TSPAN7: variants seen among roughly 807,000 people sequenced by gnomAD.
TSPAN7 encodes the protein tetraspanin-7.
A neutral mutation model predicts 17.6 loss-of-function variants in TSPAN7; 1 was observed. That is an observed-to-expected ratio of 0.06 (90% confidence interval 0.02 to 0.27). The LOEUF is 0.27. Among genes scored for constraint, TSPAN7 ranks in the 10% least tolerant of loss-of-function variants. TSPAN7 has a pLI of 1.00. For synonymous variants in TSPAN7, 78 were observed against 79.0 expected (o/e 0.99, Z 0.07); for missense variants, 112 against 201.7 (o/e 0.56, Z 2.69).
chrX:38,565,888 C>T (rs1383841380), intron 1 of TSPAN7, among the ~76,000 whole-genome samples: 1 of 111,452 alleles, frequency 9.0e-6, no homozygotes. Context: ...CATTTTTGGC[C>T]ATAGCTGGAG....
intron 1 of TSPAN7, among the ~76,000 whole-genome samples, chrX:38,631,967 C>T (rs1487076947): frequency 8.9e-6 from 1 of 111,972 alleles, no homozygotes; most frequent in Non-Finnish European, 1.9e-5. Context: ...AGGTGTAAAA[C>T]TTCCAAAGGC....
At chrX:38,647,826 C>T (rs969880765) in intron 1 of TSPAN7, among the ~76,000 whole-genome samples, 1 of 111,945 alleles carries the variant, frequency 8.9e-6, no homozygotes, top group African/African-American at 3.3e-5. Flanking sequence ...GGTTGCTATA[C>T]GTTTGGATAA....
intron 1 of TSPAN7, among the ~76,000 whole-genome samples, chrX:38,645,215 C>T (rs985978863): frequency 8.9e-6 from 1 of 112,290 alleles, no homozygotes; most frequent in Admixed American, 9.4e-5. Flanking sequence ...ACAGGGGCAG[C>T]CTTGGAGCCC....
At chrX:38,635,349 T>C (rs974128957) in intron 1 of TSPAN7, among the ~76,000 whole-genome samples, 9 of 111,554 alleles carry the variant, frequency 8.1e-5, no homozygotes, top group African/African-American at 2.9e-4. Context: ...AAGGATTTTC[T>C]AGTTGAGGCC....
chrX:38,672,193 G>A (rs865999521), intron 3 of TSPAN7, among the ~76,000 whole-genome samples: 4 of 110,805 alleles, frequency 3.6e-5, no homozygotes, highest in Admixed American at 1.9e-4. Flanking sequence ...TAATAGTAAA[G>A]CCAGAAGTAG....
chrX:38,660,037 G>T (rs955253473), intron 1 of TSPAN7, among the ~76,000 whole-genome samples: 3 of 108,836 alleles, frequency 2.8e-5, no homozygotes, highest in African/African-American at 1.0e-4. Context: ...ATGTTGGCCA[G>T]GCTGGTCTCG....
intron 1 of TSPAN7, among the ~76,000 whole-genome samples, chrX:38,613,931 G>T (rs1602099437): frequency 9.2e-6 from 1 of 108,460 alleles, no homozygotes; most frequent in Non-Finnish European, 1.9e-5. Flanking sequence ...TTTCAGAGGA[G>T]CCCTGTGCCC....
Position 38,664,893 on chromosome X carries a change from C to T in TSPAN7, c.82-1228C>T, listed in dbSNP as rs763893893. Among the ~76,000 whole-genome samples, 4 of 111,797 alleles carry T rather than the reference C, an allele frequency of 3.6e-5. No individual in the cohort carries two copies. In the South Asian group the frequency reaches 1.5e-3, roughly 42 times the overall value. On this transcript the variant is annotated intron_variant, in intron 1 of 7. Coordinates refer to ENST00000378482, the MANE Select transcript of TSPAN7 (RefSeq NM_004615.4). ...CCATTCTTCGTCCTGCACACACACA[C>T]AAAAATCTGATAATGGAGCTTGATG... is the stretch of plus-strand genomic sequence containing the variant.
At chrX:38,634,683 G>A (rs2069569722) in intron 1 of TSPAN7, among the ~76,000 whole-genome samples, 1 of 111,613 alleles carries the variant, frequency 9.0e-6, no homozygotes, top group African/African-American at 3.3e-5. Flanking sequence ...TTTATTCCCA[G>A]CATCCAGATT....
chrX:38,668,682 C>T lies in TSPAN7; in HGVS notation c.270+2373C>T, dbSNP rs754065282. ...CCATTGTGTATAGACACATTGTGTC[C>T]AGTGTGTATGGACACTTAGGTTGGC... On this transcript the variant is annotated intron_variant, in intron 2 of 7. Coordinates refer to ENST00000378482, the MANE Select transcript of TSPAN7 (RefSeq NM_004615.4). Among the ~76,000 whole-genome samples the T allele has an allele frequency of 2.0e-3, 226 of 111,803 alleles. 3 individuals carry two copies. The highest frequency in any genetic ancestry group is 3.6e-3 in the Non-Finnish European group (191 of 53,126).
chrX:38,674,563 G>T (rs946033380), intron 4 of TSPAN7, among the ~76,000 whole-genome samples: 2 of 111,893 alleles, frequency 1.8e-5, no homozygotes, highest in Non-Finnish European at 3.8e-5. Flanking sequence ...GGCAAGGACA[G>T]CTCATTTGCT....
intron 1 of TSPAN7, among the ~76,000 whole-genome samples, chrX:38,664,786 C>T: frequency 8.9e-6 from 1 of 111,862 alleles, no homozygotes; most frequent in South Asian, 3.8e-4. Context: ...GGAAGTGTCA[C>T]CAAACTCTAG....
At chrX:38,590,685 G>T (rs1214172159) in intron 1 of TSPAN7, among the ~76,000 whole-genome samples, 1 of 111,270 alleles carries the variant, frequency 9.0e-6, no homozygotes, top group Non-Finnish European at 1.9e-5. Context: ...TTTCATCTAG[G>T]TTATTAAATT....
intron 1 of TSPAN7, among the ~76,000 whole-genome samples, chrX:38,613,265 T>A (rs2069432191): frequency 8.9e-6 from 1 of 112,324 alleles, no homozygotes; most frequent in Admixed American, 9.4e-5. Flanking sequence ...CATTTTCTTA[T>A]TTTATGGATG....
chrX:38,622,050 T>G (rs1002679563), intron 1 of TSPAN7, among the ~76,000 whole-genome samples: 2 of 112,769 alleles, frequency 1.8e-5, no homozygotes, highest in African/African-American at 6.4e-5. Flanking sequence ...ACTGATTTAA[T>G]GTAGTACTCT....
At chrX:38,644,422 G>T (rs1008555926) in intron 1 of TSPAN7, among the ~76,000 whole-genome samples, 2 of 111,838 alleles carry the variant, frequency 1.8e-5, no homozygotes, top group East Asian at 5.6e-4. Flanking sequence ...TGTCCCTTTC[G>T]ATTTATATCT....
chrX:38,683,479 G>A (rs950957656), intron 6 of TSPAN7, among the ~76,000 whole-genome samples: 2 of 112,818 alleles, frequency 1.8e-5, no homozygotes, highest in African/African-American at 6.4e-5. Flanking sequence ...GTGAGTTTAA[G>A]TCTCATCAAG....
At chrX:38,567,614 A>C (rs2069150206) in intron 1 of TSPAN7, among the ~76,000 whole-genome samples, 1 of 112,585 alleles carries the variant, frequency 8.9e-6, no homozygotes, top group African/African-American at 3.2e-5. Context: ...TCAGTCATTC[A>C]CTGAATGTCT....
intron 1 of TSPAN7, among the ~76,000 whole-genome samples, chrX:38,585,587 C>A (rs1190634268): frequency 4.5e-5 from 5 of 111,182 alleles, no homozygotes; most frequent in African/African-American, 1.6e-4. Context: ...TAATACAATA[C>A]AAAATATGTA....
Sources: allele counts gnomAD v4.1 joint callset (sites outside exome capture counted in the v4.1 genomes callset), GRCh38; gene constraint gnomAD v4.1.1; transcripts MANE v1.5; gene names NCBI Gene and HGNC (gene_info 2026-07-23, HGNC 2026-07-21).